The following ZNF423 variants were observed in gnomAD, a reference collection of about 807,000 sequenced individuals.
ZNF423 encodes the protein zinc finger protein 423, also known as Ebf-associated zinc finger protein.
Under a neutral mutation model 95.8 loss-of-function variants are expected in ZNF423, and 12 were observed. The ratio of observed to expected loss-of-function variants is 0.13; its 90% confidence interval spans 0.08 to 0.20. ZNF423 has a LOEUF of 0.20. ZNF423 is among the 10% of genes least tolerant of loss of function. The pLI is 1.00. For synonymous variants in ZNF423, 749 were observed against 711.9 expected, an observed-to-expected ratio of 1.05 and a Z score of -0.83; for missense variants, 1,316 against 1,737.1, an observed-to-expected ratio of 0.76 and a Z score of 4.31.
intron 2 of ZNF423, among the ~76,000 whole-genome samples, chr16:49,753,937 A>C (rs1016275384): frequency 6.6e-6 from 1 of 151,840 alleles, no homozygotes; most frequent in African/African-American, 2.4e-5. Context: ...AGGCTGAGGC[A>C]GGAGAATCAC....
At chr16:49,656,202 A>G (rs917238148) in intron 3 of ZNF423, among the ~76,000 whole-genome samples, 5 of 152,172 alleles carry the variant, frequency 3.3e-5, no homozygotes, top group East Asian at 1.9e-4. Context: ...GAAGCTCTCA[A>G]TGCGAATAAA....
intron 5 of ZNF423, among the ~76,000 whole-genome samples, chr16:49,546,804 T>C (rs965163327): frequency 6.6e-6 from 1 of 152,116 alleles, no homozygotes; most frequent in Non-Finnish European, 1.5e-5. Context: ...TCAAAGGTCA[T>C]TGAGTTTGTG....
intron 5 of ZNF423, among the ~76,000 whole-genome samples, chr16:49,535,342 C>T (rs987593861): frequency 1.3e-5 from 2 of 152,172 alleles, no homozygotes; most frequent in South Asian, 2.1e-4. Context: ...ATGACGCTGG[C>T]GGACACATCC....
intron 2 of ZNF423, chr16:49,731,537 G>T (rs2033167751): frequency 4.6e-6 from 1 of 215,682 alleles, no homozygotes; most frequent in Non-Finnish European, 7.9e-6. Context: ...TCCAGGCTGG[G>T]CATGGAATCT....
intron 5 of ZNF423, among the ~76,000 whole-genome samples, chr16:49,583,284 C>G (rs1263781357): frequency 6.6e-6 from 1 of 152,152 alleles, no homozygotes; most frequent in Non-Finnish European, 1.5e-5. Flanking sequence ...ATAGCAAGAA[C>G]AGTATGACCA....
chr16:49,723,330 G>A (rs2032921322), intron 3 of ZNF423, among the ~76,000 whole-genome samples: 1 of 152,190 alleles, frequency 6.6e-6, no homozygotes, highest in Non-Finnish European at 1.5e-5. Flanking sequence ...CCACCAGTGT[G>A]GCACCAATGG....
chr16:49,791,941 G>A (rs1328769375), intron 1 of ZNF423, among the ~76,000 whole-genome samples: 1 of 149,668 alleles, frequency 6.7e-6, no homozygotes, highest in Admixed American at 6.7e-5. Context: ...GCTGGAGACT[G>A]CAGTGAGCTG....
intron 1 of ZNF423, among the ~76,000 whole-genome samples, chr16:49,816,995 A>C (rs999739485): frequency 6.6e-6 from 1 of 152,196 alleles, no homozygotes; most frequent in South Asian, 2.1e-4. Context: ...GGTGAAGAAA[A>C]GCATGTGTCT....
intron 1 of ZNF423, among the ~76,000 whole-genome samples, chr16:49,792,792 C>A (rs2034436734): frequency 6.6e-6 from 1 of 152,170 alleles, no homozygotes; most frequent in African/African-American, 2.4e-5. Context: ...CAGGCTCATG[C>A]TCTGTTGTAC....
At chr16:49,754,724 A>G (rs1180866983) in intron 2 of ZNF423, among the ~76,000 whole-genome samples, 1 of 152,248 alleles carries the variant, frequency 6.6e-6, no homozygotes, top group Non-Finnish European at 1.5e-5. Context: ...TTGCACCTCA[A>G]AGTGCGGCCT....
At chr16:49,773,902 G>A (rs930857914) in intron 2 of ZNF423, among the ~76,000 whole-genome samples, 13 of 152,210 alleles carry the variant, frequency 8.5e-5, no homozygotes, top group African/African-American at 2.9e-4. Flanking sequence ...TGGGGACAGT[G>A]AGCTGAGTCC....
chr16:49,813,349 A>G (rs1256924511), intron 1 of ZNF423, among the ~76,000 whole-genome samples: 2 of 152,024 alleles, frequency 1.3e-5, no homozygotes, highest in Non-Finnish European at 2.9e-5. Flanking sequence ...CCACCAGGAG[A>G]GCAGTGACAG....
In ZNF423 at chr16:49,808,671, G is replaced by A. The variant is rs547655940; in HGVS notation, c.41-19125C>T. Among the ~76,000 whole-genome samples the A allele has an allele frequency of 7.8e-4, 119 of 152,304 alleles. No homozygotes were observed. The Middle Eastern group carries it at 0.014, about 17-fold the overall frequency. On this transcript the variant is annotated intron_variant, in intron 1 of 7. Coordinates refer to ENST00000563137, the MANE Select transcript of ZNF423 (RefSeq NM_001379286.1). ...CTGGGCAGAGGACAGTGGGAGGGGC[G>A]GGGGACATGCTGGCTACACACTCTG...
At chr16:49,754,035 A>AG in intron 2 of ZNF423, among the ~76,000 whole-genome samples, 1 of 151,848 alleles carries the variant, frequency 6.6e-6, no homozygotes, top group East Asian at 1.9e-4. Context: ...CCGTCAAAAA[A>AG]AAAAAAAAAA....
chr16:49,746,386 G>T (rs959355669), intron 2 of ZNF423, among the ~76,000 whole-genome samples: 3 of 152,150 alleles, frequency 2.0e-5, no homozygotes. Flanking sequence ...CAAGCTAAAG[G>T]TCATAGCCTG....
At position 49,839,605 on chromosome 16, in the gene ZNF423, G is replaced by GA. The variant is rs2035161975; in HGVS notation, c.40+16129dup. On this transcript the variant is annotated intron_variant, in intron 1 of 7. Transcript: ENST00000563137. ...CATGACACTGAGGTCCCCAGGGCAAGACTGGGACCCTGAAGCGGCTTCTGC... is the reference window on the plus strand; with the variant it reads ...CATGACACTGAGGTCCCCAGGGCAAGAACTGGGACCCTGAAGCGGCTTCTGC... Among the ~76,000 whole-genome samples the GA allele has an allele frequency of 1.3e-5, 2 of 152,240 alleles. 1 individual carries two copies. Among genetic ancestry groups the GA allele is most frequent in the Admixed American group, 1.3e-4 (2 of 15,290 alleles).
At chr16:49,515,184 G>A (rs987591912) in intron 7 of ZNF423, among the ~76,000 whole-genome samples, 2 of 152,350 alleles carry the variant, frequency 1.3e-5, no homozygotes, top group Non-Finnish European at 2.9e-5. Flanking sequence ...TCCTGGCCTC[G>A]AGCTGCAGCC....
intron 2 of ZNF423, among the ~76,000 whole-genome samples, chr16:49,781,735 A>C (rs1244132901): frequency 2.0e-5 from 3 of 152,208 alleles, no homozygotes; most frequent in Non-Finnish European, 2.9e-5. Context: ...AAAGGACTGC[A>C]GGGGATGAGG....
At chr16:49,776,012 T>C (rs2034113630) in intron 2 of ZNF423, among the ~76,000 whole-genome samples, 1 of 152,252 alleles carries the variant, frequency 6.6e-6, no homozygotes, top group Non-Finnish European at 1.5e-5. Flanking sequence ...TGCCTGACCC[T>C]GTCCTTGGCT....
Sources: allele counts gnomAD v4.1 joint callset (sites outside exome capture counted in the v4.1 genomes callset), GRCh38; gene constraint gnomAD v4.1.1; transcripts MANE v1.5; gene names NCBI Gene and HGNC (gene_info 2026-07-23, HGNC 2026-07-21).